Variants in ARID4A observed in about 807,000 individuals in gnomAD.
ARID4A encodes AT-rich interactive domain-containing protein 4A.
ARID4A carries 39 observed loss-of-function variants against 148.6 expected under a neutral mutation model. That is an observed-to-expected ratio of 0.26 (90% confidence interval 0.20 to 0.34). The LOEUF (loss-of-function observed/expected upper bound fraction) is 0.34. Ranked by LOEUF, ARID4A falls within the 10% of genes least tolerant of loss-of-function variation. The probability of loss-of-function intolerance (pLI) is 1.00; values close to 1 mark genes in which losing one functional copy is unlikely to be tolerated. For synonymous variants in ARID4A, 475 were observed against 481.2 expected (o/e 0.99, Z 0.17); for missense variants, 1,265 against 1,449.1 (o/e 0.87, Z 2.06).
intron 11 of ARID4A, among the ~76,000 whole-genome samples, chr14:58,330,414 GT>G (rs1294893312): frequency 1.3e-5 from 2 of 152,012 alleles, no homozygotes; most frequent in African/African-American, 4.8e-5. Context: ...GTGCAAACTG[GT>G]TTTTTTGGGG....
At chr14:58,368,346 T>G (rs959325134) in intron 23 of ARID4A, among the ~76,000 whole-genome samples, 1 of 152,100 alleles carries the variant, frequency 6.6e-6, no homozygotes, top group Non-Finnish European at 1.5e-5. Context: ...CCAAGAAAAA[T>G]TACCTACTAT....
At chr14:58,353,176 A>G (rs1245390701) in intron 16 of ARID4A, among the ~76,000 whole-genome samples, 1 of 152,222 alleles carries the variant, frequency 6.6e-6, no homozygotes, top group African/African-American at 2.4e-5. Context: ...AAGATAATTC[A>G]GTTACAGGAA....
At chr14:58,349,489 A>G (rs1453991181) in intron 15 of ARID4A, among the ~76,000 whole-genome samples, 4 of 150,320 alleles carry the variant, frequency 2.7e-5, no homozygotes, top group Admixed American at 1.3e-4. Flanking sequence ...TACTAAAAAT[A>G]CAAAAAAAAA....
Position 58,346,536 on chromosome 14 carries a change from A to G in ARID4A, c.1074+31A>G, listed in dbSNP as rs370985401. The G allele has an allele frequency of 8.3e-4, 1,219 of 1,465,664 alleles. 5 individuals are homozygous for G. Among genetic ancestry groups the G allele is most frequent in the Non-Finnish European group, 8.4e-4 (889 of 1,054,278 alleles). The allele number at this position is 1,465,664 out of a possible 1,614,324, so 90.8% of individuals were successfully genotyped here. A position where few individuals can be genotyped will look rare whatever the true frequency, so the allele number is the denominator to read the frequency against. ...TATAACATTGCTTTTTGAAACATGTATTGATGTGGTAAAAAGTTAAGTTAT... is the reference window on the plus strand; with the variant it reads ...TATAACATTGCTTTTTGAAACATGTGTTGATGTGGTAAAAAGTTAAGTTAT... On this transcript the variant is annotated intron_variant, in intron 13 of 23. Transcript: ENST00000355431.
Position 58,359,339 on chromosome 14 carries a change from A to G in ARID4A, c.1938+123A>G. Reference sequence around the variant, plus strand: ...CCAAGATTGAGAGCAAGGTATATAGACCTCCCATATACTCTCTGCCCCATG... The same window carrying G: ...CCAAGATTGAGAGCAAGGTATATAGGCCTCCCATATACTCTCTGCCCCATG... On this transcript the variant is annotated intron_variant, in intron 18 of 23. Transcript: ENST00000355431. 6 of 844,616 alleles carry G rather than the reference A, an allele frequency of 7.1e-6. No homozygotes were observed. The South Asian group carries it at 7.9e-5, about 11-fold the overall frequency. The allele number at this position is 844,616 out of a possible 1,614,324, so 52.3% of individuals were successfully genotyped here. A position where few individuals can be genotyped will look rare whatever the true frequency, so the allele number is the denominator to read the frequency against.
Position 58,347,800 on chromosome 14 carries a change from A to G in ARID4A, c.1326A>G (p.Glu442=). ...LKLDQEMPLT[E]VKSEPEENID... ...TAGATCAAGAAATGCCTTTAACAGAAGTGAAGAGTGAACCTGAGGAAAATA... is the reference window on the plus strand; with the variant it reads ...TAGATCAAGAAATGCCTTTAACAGAGGTGAAGAGTGAACCTGAGGAAAATA... Residue 442 remains glutamate (E), a synonymous_variant, in exon 15 of 24, where the codon GAA becomes GAG. Transcript: ENST00000355431. The G allele has an allele frequency of 6.2e-7, 1 of 1,613,954 alleles. No individual in the cohort carries two copies. The highest frequency in any genetic ancestry group is 8.5e-7 in the Non-Finnish European group (1 of 1,179,898).
Position 58,372,294 on chromosome 14 carries a change from A to C in ARID4A, c.*305A>C. The C allele has an allele frequency of 3.2e-6, 1 of 310,074 alleles. No individual in the cohort carries two copies. Among genetic ancestry groups the C allele is most frequent in the Non-Finnish European group, 6.0e-6 (1 of 167,136 alleles). 19.2% of individuals were successfully genotyped at this position (310,074 alleles called of 1,614,324 possible). On this transcript the variant is annotated 3_prime_UTR_variant, in exon 24 of 24. Transcript: ENST00000355431. Reference sequence around the variant, plus strand: ...TAGCAAATTTGAATTTGTATAATAAAGCTTTCAGGTGTTACAGAAATCGTA... The same window carrying C: ...TAGCAAATTTGAATTTGTATAATAACGCTTTCAGGTGTTACAGAAATCGTA...
chr14:58,364,231 A>T lies in ARID4A; in HGVS notation c.2142A>T (p.Glu714Asp), dbSNP rs774400368. 6.6e-7 allele frequency: 1 copy of T among 1,511,750 alleles called. No individual in the cohort carries two copies. The highest frequency in any genetic ancestry group is 1.4e-5 in the South Asian group (1 of 74,060). The allele number at this position is 1,511,750 out of a possible 1,614,324, so 93.6% of individuals were successfully genotyped here. ...TAGAAAAGAATTTAATAAATGAAGA[A>T]CTTTCTCTTAAAGATGAACTAGAAA... Reference protein sequence around the residue: ...DALEKNLINEELSLKDELEKN... With the variant: ...DALEKNLINEDLSLKDELEKN... Residue 714 changes from glutamate to aspartate, a missense_variant, in exon 20 of 24, where the codon GAA becomes GAT. Glu to Asp is a conservative substitution (Grantham distance 45). This residue lies in a region of ARID4A where 666 missense variants were observed against 730.9 expected (regional missense o/e 0.91). Transcript: ENST00000355431.
At chr14:58,341,967 G>T (rs1001164272) in intron 11 of ARID4A, among the ~76,000 whole-genome samples, 3 of 152,164 alleles carry the variant, frequency 2.0e-5, no homozygotes, top group African/African-American at 4.8e-5. Flanking sequence ...CTTGAAAGAT[G>T]CAACAGTGCC....
intron 17 of ARID4A, among the ~76,000 whole-genome samples, chr14:58,356,441 A>G (rs1594952061): frequency 6.6e-6 from 1 of 152,312 alleles, no homozygotes; most frequent in African/African-American, 2.4e-5. Context: ...AGTGCATACT[A>G]GTAGGCCCTC....
At chr14:58,308,624 AC>A (rs1192633945) in intron 5 of ARID4A, among the ~76,000 whole-genome samples, 1 of 152,230 alleles carries the variant, frequency 6.6e-6, no homozygotes, top group African/African-American at 2.4e-5. Flanking sequence ...GAGTATAATG[AC>A]CTGAGTTACC....
intron 3 of ARID4A, among the ~76,000 whole-genome samples, chr14:58,304,200 ACATT>A (rs1321547862): frequency 5.9e-5 from 9 of 152,190 alleles, no homozygotes; most frequent in Non-Finnish European, 8.8e-5. Flanking sequence ...ATGTCAATTG[ACATT>A]CATTTCTTTT....
intron 17 of ARID4A, 116 bp from the exon 18 acceptor site, chr14:58,359,016 C>A: frequency 8.4e-7 from 1 of 1,187,410 alleles, no homozygotes; most frequent in Non-Finnish European, 1.2e-6. Flanking sequence ...CTTGCCAACA[C>A]TAAGAACAAA....
chr14:58,346,439 G>A lies in ARID4A; in HGVS notation c.1008G>A (p.Leu336=), dbSNP rs1304798870. ...CTCCAATCAACAAACCACCTGTTTTGGGCTATAAAGATCTCAATCTCTTCA... is the reference window on the plus strand; with the variant it reads ...CTCCAATCAACAAACCACCTGTTTTAGGCTATAAAGATCTCAATCTCTTCA... ...RGTPINKPPV[L]GYKDLNLFKL... is the part of the protein sequence containing the mutation. Residue 336 remains leucine, a synonymous_variant, in exon 13 of 24, where the codon TTG becomes TTA. Coordinates refer to ENST00000355431, the MANE Select transcript of ARID4A (RefSeq NM_002892.4). 1.2e-6 allele frequency: 2 copies of A among 1,608,378 alleles called. No homozygotes were observed. The highest frequency in any genetic ancestry group is 1.7e-6 in the Non-Finnish European group (2 of 1,176,878).
In ARID4A at chr14:58,366,204, G is replaced by C; in HGVS notation, c.3497G>C (p.Arg1166Thr). The change falls in exon 22 of 24, where the codon AGG becomes ACG. Residue 1166 changes from arginine (R) to threonine (T), a missense_variant. Arg to Thr is a moderately conservative substitution (Grantham distance 71, BLOSUM62 -1). Transcript: ENST00000355431. The stretch of plus-strand genomic sequence containing the variant: ...GAAAAACATCCGAATTCATCCCCTA[G>C]GACATATAAATGGAGCTTTCAGCTC... Reference protein sequence around the residue: ...HREKHPNSSPRTYKWSFQLNE... With the variant: ...HREKHPNSSPTTYKWSFQLNE... The C allele has an allele frequency of 6.2e-7, 1 of 1,613,606 alleles. No individual in the cohort carries two copies.
At chr14:58,299,181 C>CG in intron 1 of ARID4A, 1 of 152,534 alleles carries the variant, frequency 6.6e-6, no homozygotes, top group Admixed American at 6.5e-5. Flanking sequence ...GCCACCTCCC[C>CG]TCCTCCTCCC....
At chr14:58,316,936 T>A (rs2032464379) in intron 5 of ARID4A, among the ~76,000 whole-genome samples, 1 of 150,876 alleles carries the variant, frequency 6.6e-6, no homozygotes, top group South Asian at 2.1e-4. Flanking sequence ...CTCACGCCTG[T>A]AATCCCAGCA....
At chr14:58,328,704 AGACTTTTGGGCCGG>A (rs1393331078) in intron 9 of ARID4A, among the ~76,000 whole-genome samples, 1 of 152,152 alleles carries the variant, frequency 6.6e-6, no homozygotes, top group Non-Finnish European at 1.5e-5. Flanking sequence ...ATTACAATCC[AGACTTTTGGGCCGG>A]GCGCAGTTGC....
chr14:58,354,910 G>A (rs556998830), intron 17 of ARID4A, among the ~76,000 whole-genome samples: 4 of 152,202 alleles, frequency 2.6e-5, no homozygotes, highest in African/African-American at 9.6e-5. Flanking sequence ...TGTTTTTTCT[G>A]TGTTCAGACA....
Sources: gnomAD v4.1 joint callset for allele counts (sites outside exome capture counted in the v4.1 genomes callset) on GRCh38, gnomAD v4.1.1 for gene constraint, gnomAD v4.1.1 regional missense constraint, MANE v1.5 for transcripts, NCBI Gene and HGNC (gene_info 2026-07-23, HGNC 2026-07-21) for gene names.